Variants in MYBL1 observed in about 807,000 individuals in gnomAD.
MYBL1 encodes MYB proto-oncogene like 1, also known as myb-related protein A.
Under a neutral mutation model 96.3 loss-of-function variants are expected in MYBL1, and 17 were observed. That is an observed-to-expected ratio of 0.18 (90% CI 0.12 to 0.26). The LOEUF is 0.26. Ranked by LOEUF, MYBL1 falls within the 10% of genes least tolerant of loss-of-function variation. The pLI is 1.00. For synonymous variants in MYBL1, 282 were observed against 292.7 expected, an observed-to-expected ratio of 0.96 and a Z score of 0.37; for missense variants, 701 against 882.9, an observed-to-expected ratio of 0.79 and a Z score of 2.61.
intron 1 of MYBL1, among the ~76,000 whole-genome samples, chr8:66,610,625 AAGAG>A (rs962122053): frequency 1.3e-5 from 2 of 152,132 alleles, no homozygotes; most frequent in Non-Finnish European, 2.9e-5. Context: ...GGTAAAAGGC[AAGAG>A]AGATTTTTCC....
At chr8:66,569,767 T>C (rs529968903) in intron 12 of MYBL1, among the ~76,000 whole-genome samples, 1 of 152,340 alleles carries the variant, frequency 6.6e-6, no homozygotes, top group Admixed American at 6.5e-5. Context: ...CTAGCAAGAA[T>C]TATTCTCTTA....
At chr8:66,607,382 C>T (rs1018498172) in intron 1 of MYBL1, among the ~76,000 whole-genome samples, 1 of 152,128 alleles carries the variant, frequency 6.6e-6, no homozygotes, top group Admixed American at 6.5e-5. Flanking sequence ...ATCACATTTG[C>T]CAACCTCCAC....
intron 1 of MYBL1, among the ~76,000 whole-genome samples, chr8:66,607,434 G>A (rs1810363498): frequency 6.6e-6 from 1 of 151,938 alleles, no homozygotes; most frequent in Admixed American, 6.6e-5. Context: ...TGTCTACCAC[G>A]TTCACCTCTC....
intron 4 of MYBL1, among the ~76,000 whole-genome samples, chr8:66,598,609 C>T (rs539446482): frequency 1.3e-5 from 2 of 152,278 alleles, no homozygotes; most frequent in South Asian, 2.1e-4. Flanking sequence ...AAACATGATG[C>T]TCTGACATCT....
In MYBL1 at chr8:66,595,575, G is replaced by C. The variant is rs1563545601; in HGVS notation, c.687+8C>G. The C allele has an allele frequency of 1.3e-6, 2 of 1,489,388 alleles. No homozygotes were observed. Among genetic ancestry groups the C allele is most frequent in the Middle Eastern group, 3.6e-4 (2 of 5,628 alleles). The allele number at this position is 1,489,388 out of a possible 1,614,324, so 92.3% of individuals were successfully genotyped here. A position where few individuals can be genotyped will look rare whatever the true frequency, so the allele number is the denominator to read the frequency against. On this transcript the variant is annotated splice_region_variant and intron_variant, in intron 6 of 15. Transcript: ENST00000522677. ...TTTTTAAATAATAAAGGTATTAAAA[G>C]TATGTGCCTGAACAGGTATGTAAAA...
chr8:66,576,480 A>T (rs999946396), intron 9 of MYBL1, 105 bp from the exon 10 acceptor site: 11 of 1,308,478 alleles, frequency 8.4e-6, no homozygotes, highest in Non-Finnish European at 1.1e-5. Flanking sequence ...AACTCATTTT[A>T]TCAGTAAAAA....
intron 1 of MYBL1, among the ~76,000 whole-genome samples, chr8:66,604,526 G>A (rs1466901161): frequency 1.3e-5 from 2 of 150,812 alleles, no homozygotes; most frequent in East Asian, 1.9e-4. Flanking sequence ...AAAAAAAAAA[G>A]ATGGTGTCCT....
chr8:66,575,175 A>G (rs1808885873), intron 10 of MYBL1, among the ~76,000 whole-genome samples: 1 of 152,262 alleles, frequency 6.6e-6, no homozygotes, highest in Non-Finnish European at 1.5e-5. Context: ...GTAAGTAGGT[A>G]GTTCTAGACA....
intron 7 of MYBL1, among the ~76,000 whole-genome samples, chr8:66,592,868 C>T (rs1809703027): frequency 6.6e-6 from 1 of 152,076 alleles, no homozygotes. Flanking sequence ...AAAAATATGT[C>T]CATTCCCAAC....
rs1193537340 is a variant in MYBL1, at chr8:66,612,759, G to C, written c.20+60C>G. 2.2e-6 allele frequency: 3 copies of C among 1,340,764 alleles called. No individual in the cohort carries two copies. In the Admixed American group the frequency reaches 9.1e-5, roughly 41 times the overall value. The allele number at this position is 1,340,764 out of a possible 1,614,324, so 83.1% of individuals were successfully genotyped here. On this transcript the variant is annotated intron_variant, in intron 1 of 15. Transcript: ENST00000522677. ...TATGGCGGGAGGGGGCAGCGGGATA[G>C]GAAAGAGAATCTGAGCCGAGACGGC...
At chr8:66,583,094 C>T (rs533011744) in intron 8 of MYBL1, among the ~76,000 whole-genome samples, 6 of 152,182 alleles carry the variant, frequency 3.9e-5, no homozygotes, top group African/African-American at 1.4e-4. Flanking sequence ...ACGTATTAGG[C>T]CACAAAATAA....
chr8:66,563,514 G>C lies in MYBL1; in HGVS notation c.*1183C>G, dbSNP rs2129659577. The C allele has an allele frequency of 6.6e-6, 1 of 152,426 alleles. No individual in the cohort carries two copies. Among genetic ancestry groups the C allele is most frequent in the African/African-American group, 2.4e-5 (1 of 41,500 alleles). 9.4% of individuals were successfully genotyped at this position (152,426 alleles called of 1,614,324 possible). ...AGAGAAACACAAAACATTTAAAAAA[G>C]GACAAAATATTTTTATAAATAAAAG... On this transcript the variant is annotated 3_prime_UTR_variant, in exon 16 of 16. Coordinates refer to ENST00000522677, the MANE Select transcript of MYBL1 (RefSeq NM_001080416.4).
chr8:66,608,704 A>G (rs1356869179), intron 1 of MYBL1, among the ~76,000 whole-genome samples: 1 of 152,156 alleles, frequency 6.6e-6, no homozygotes, highest in Non-Finnish European at 1.5e-5. Flanking sequence ...CTACTTTTAC[A>G]TAATCTTTTG....
chr8:66,576,058 A>G lies in MYBL1; in HGVS notation c.1419T>C (p.Asn473=), dbSNP rs779315381. 1.4e-5 allele frequency: 22 copies of G among 1,613,810 alleles called. No homozygotes were observed. In the African/African-American group the frequency reaches 2.3e-4, roughly 17 times the overall value. The change falls in exon 10 of 16, where the codon AAT becomes AAC. Residue 473 remains asparagine (N), a synonymous_variant. Transcript: ENST00000522677. ...TCAGTGGTGTATGTTTTAGCGCCAT[A>G]TTACCACCATCGTTCAATGAGCCAT... The part of the protein sequence containing the change: ...LRDGSLNDGG[N]MALKHTPLKT...
chr8:66,589,670 G>C (rs1809559171), intron 8 of MYBL1, among the ~76,000 whole-genome samples: 1 of 151,980 alleles, frequency 6.6e-6, no homozygotes, highest in South Asian at 2.1e-4. Flanking sequence ...TTTTTGTAGA[G>C]ATGGGGTCTC....
intron 4 of MYBL1, among the ~76,000 whole-genome samples, chr8:66,598,023 T>C (rs1173243970): frequency 1.3e-5 from 2 of 152,130 alleles, no homozygotes; most frequent in African/African-American, 4.8e-5. Context: ...TTATTTCACC[T>C]AAAATTGCAA....
intron 9 of MYBL1, among the ~76,000 whole-genome samples, chr8:66,577,630 T>G (rs1185594130): frequency 1.3e-5 from 2 of 151,930 alleles, no homozygotes; most frequent in Non-Finnish European, 2.9e-5. Flanking sequence ...GAAGAATCAA[T>G]ATCGTGAAAA....
chr8:66,593,259 A>G, intron 6 of MYBL1, 65 bp from the exon 7 acceptor site: 1 of 1,100,306 alleles, frequency 9.1e-7, no homozygotes, highest in Non-Finnish European at 1.3e-6. Flanking sequence ...ATCTGAAGCA[A>G]ATGACAAAAA....
Position 66,593,133 on chromosome 8 carries a change from G to C in MYBL1, c.749C>G (p.Ser250Cys). 6.3e-7 allele frequency: 1 copy of C among 1,580,096 alleles called. No homozygotes were observed. Among genetic ancestry groups the C allele is most frequent in the Non-Finnish European group, 8.6e-7 (1 of 1,160,442 alleles). ...GNCIEHVQPT[S>C]AFIQQPFIDE... ...AATAAAAGTTACCTGAATAAAGGCA[G>C]AAGTAGGCTGAACATGTTCTATACA... The change falls in exon 7 of 16, where the codon TCT becomes TGT. Residue 250 changes from serine to cysteine, a missense_variant. By Grantham distance (112) the Ser-to-Cys change is moderately radical. Around this residue, in one of 5 missense-constraint regions of MYBL1, gnomAD observed 396 missense variants for 407.4 expected, o/e 0.97. Transcript: ENST00000522677.
Sources: allele counts gnomAD v4.1 joint callset (sites outside exome capture counted in the v4.1 genomes callset), GRCh38; gene constraint gnomAD v4.1.1; regional missense constraint gnomAD v4.1.1; transcripts MANE v1.5; gene names NCBI Gene and HGNC (gene_info 2026-07-23, HGNC 2026-07-21).